Variants in C8G observed in about 807,000 individuals in gnomAD.
C8G encodes the protein complement component C8 gamma chain.
C8G carries 38 observed loss-of-function variants against 29.1 expected under a neutral mutation model. The observed-to-expected ratio is 1.31, with a 90% confidence interval of 1.01 to 1.71. The LOEUF (loss-of-function observed/expected upper bound fraction) is 1.71. Ranked by LOEUF, C8G falls within the 40% of genes most tolerant of loss-of-function variation. The pLI is 0.00. For missense variants in C8G, 300 were observed against 267.4 expected (o/e 1.12, Z -0.85); for synonymous variants, 158 against 113.2 (o/e 1.40, Z -2.51).
rs1223667309 is a variant in C8G, at chr9:136,945,930, G to A, written c.277G>A (p.Asp93Asn). The change falls in exon 3 of 7, where the codon GAT becomes AAT. Residue 93 changes from aspartate to asparagine, a missense_variant and splice_region_variant. Asp to Asn is a conservative substitution (Grantham distance 23). Transcript: ENST00000371634. Reference sequence around the variant, plus strand: ...GGTGCCTCCTCCCCGCCCCCCCAGGGATGGGATCTGCTGGCAGGTGCGCCA... The same window carrying A: ...GGTGCCTCCTCCCCGCCCCCCCAGGAATGGGATCTGCTGGCAGGTGCGCCA... The part of the protein sequence containing the change: ...AMAVSTFRKL[D>N]GICWQVRQLY... The A allele has an allele frequency of 6.4e-7, 1 of 1,561,492 alleles. No homozygotes were observed. Among genetic ancestry groups the A allele is most frequent in the Non-Finnish European group, 8.7e-7 (1 of 1,153,128 alleles).
In C8G at chr9:136,946,212, T is replaced by C. The variant is rs764830347; in HGVS notation, c.454+20T>C. The stretch of plus-strand genomic sequence containing the variant: ...TCTACGGTATGTGGGGGCCAGCCTC[T>C]GTGACCAGGCAGGCGCTCAAGCTCT... On this transcript the variant is annotated intron_variant, in intron 4 of 6. Coordinates refer to ENST00000371634, the MANE Select transcript of C8G (RefSeq NM_000606.3). 8.5e-5 allele frequency: 130 copies of C among 1,535,956 alleles called. No homozygotes were observed. Among genetic ancestry groups the C allele is most frequent in the Non-Finnish European group, 1.1e-4 (126 of 1,138,024 alleles).
At position 136,945,359 on chromosome 9, in the gene C8G, C is replaced by G; in HGVS notation, c.39C>G (p.Leu13=). ...GGACTGCGACCCTCTTGACTCTGCT[C>G]CTGGCAGCTGGCTCGCTGGGCCAGA... The part of the protein sequence containing the change: ...PPGTATLLTL[L]LAAGSLGQKP... Residue 13 remains leucine (L), a synonymous_variant, in exon 1 of 7, where the codon CTC becomes CTG. Transcript: ENST00000371634. 1 of 1,613,040 alleles carries G rather than the reference C, an allele frequency of 6.2e-7. No homozygotes were observed. Among genetic ancestry groups the G allele is most frequent in the South Asian group, 1.1e-5 (1 of 91,052 alleles).
At position 136,945,723 on chromosome 9, in the gene C8G, T is replaced by C. The variant is rs772534061; in HGVS notation, c.228T>C (p.His76=). Residue 76 remains histidine (H), a synonymous_variant, in exon 2 of 7, where the codon CAT becomes CAC. Coordinates refer to ENST00000371634, the MANE Select transcript of C8G (RefSeq NM_000606.3). ...ACCGGGCCGAGGCCACCACACTGCATGTGGCTCCCCAGGGCACAGCCATGG... is the reference window on the plus strand; with the variant it reads ...ACCGGGCCGAGGCCACCACACTGCACGTGGCTCCCCAGGGCACAGCCATGG... ...QGHRAEATTL[H]VAPQGTAMAV... 8 of 1,581,452 alleles carry C rather than the reference T, an allele frequency of 5.1e-6. No homozygotes were observed. In the Admixed American group the frequency reaches 7.2e-5, roughly 14 times the overall value.
chr9:136,945,877 G>A (rs1851018977), intron 2 of C8G, 52 bp from the exon 3 acceptor site: 7 of 1,546,558 alleles, frequency 4.5e-6, no homozygotes, highest in Non-Finnish European at 4.4e-6. Context: ...CCTGGACTAG[G>A]ATTCCTGGTT....
rs376316838 is a variant in C8G at position 136,946,658 on chromosome 9, C to T, written c.564C>T (p.Cys188=). ...CCTGCCTTGGGCCCCCAGGCTTCTGCGAGGCTGCAGACCAGTTCCACGTCC... is the reference window on the plus strand; with the variant it reads ...CCTGCCTTGGGCCCCCAGGCTTCTGTGAGGCTGCAGACCAGTTCCACGTCC... ...QIFYFPKYGF[C]EAADQFHVLD... The change falls in exon 6 of 7, where the codon TGC becomes TGT. Residue 188 remains cysteine, a synonymous_variant. Coordinates refer to ENST00000371634, the MANE Select transcript of C8G (RefSeq NM_000606.3). The T allele has an allele frequency of 2.4e-5, 38 of 1,612,922 alleles. No homozygotes were observed. Among genetic ancestry groups the T allele is most frequent in the East Asian group, 2.2e-4 (10 of 44,896 alleles).
rs561880659 is a variant in C8G at position 136,946,861 on chromosome 9, C to T, written c.*80C>T. ...CAGTGGGGTGCCCGCTGCCTGTCCT[C>T]CGTGAAACCAGCCTCAGATCAGGGC... On this transcript the variant is annotated 3_prime_UTR_variant, in exon 7 of 7. Coordinates refer to ENST00000371634, the MANE Select transcript of C8G (RefSeq NM_000606.3). 3 of 1,509,136 alleles carry T rather than the reference C, an allele frequency of 2.0e-6. No individual in the cohort carries two copies. Among genetic ancestry groups the T allele is most frequent in the South Asian group, 1.2e-5 (1 of 83,600 alleles). The allele number at this position is 1,509,136 out of a possible 1,614,324, so 93.5% of individuals were successfully genotyped here.
At position 136,945,416 on chromosome 9, in the gene C8G, C is replaced by T. The variant is rs772398695; in HGVS notation, c.96C>T (p.Pro32=). The T allele has an allele frequency of 1.5e-5, 24 of 1,594,628 alleles. No individual in the cohort carries two copies. The highest frequency in any genetic ancestry group is 2.7e-5 in the African/African-American group (2 of 74,650). ...KPQRPRRPAS[P]ISTIQPKANF... ...AGAGGCCACGCCGGCCCGCATCCCC[C>T]ATCAGCACCATCCAGCCCAAGGCCA... Residue 32 remains proline (P), a synonymous_variant, in exon 1 of 7, where the codon CCC becomes CCT. Transcript: ENST00000371634.
chr9:136,946,838 G>T lies in C8G; in HGVS notation c.*57G>T. The T allele has an allele frequency of 1.3e-6, 2 of 1,536,688 alleles. No individual in the cohort carries two copies. Among genetic ancestry groups the T allele is most frequent in the Non-Finnish European group, 1.7e-6 (2 of 1,145,800 alleles). On this transcript the variant is annotated 3_prime_UTR_variant, in exon 7 of 7. Transcript: ENST00000371634. ...AGTGCCCCGAGAGACGACCCCACCA[G>T]TGGGGTGCCCGCTGCCTGTCCTCCG...
Position 136,945,303 on chromosome 9 carries a change from C to T in C8G, c.-18C>T, listed in dbSNP as rs762308121. The T allele has an allele frequency of 1.8e-5, 28 of 1,589,494 alleles. No individual in the cohort carries two copies. The Admixed American group carries it at 1.9e-4, about 11-fold the overall frequency. ...TACCCTTGGCCTCCCACAGTCCTGC[C>T]ACCCTGCTGCCGCCACCATGCTGCC... On this transcript the variant is annotated 5_prime_UTR_variant, in exon 1 of 7. Transcript: ENST00000371634.
At position 136,945,962 on chromosome 9, in the gene C8G, T is replaced by C. The variant is rs775647268; in HGVS notation, c.309T>C (p.Tyr103=). 2 of 1,572,312 alleles carry C rather than the reference T, an allele frequency of 1.3e-6. No individual in the cohort carries two copies. The highest frequency in any genetic ancestry group is 1.3e-5 in the African/African-American group (1 of 74,154). The change falls in exon 3 of 7, where the codon TAT becomes TAC. Residue 103 remains tyrosine, a synonymous_variant. Transcript: ENST00000371634. ...TCTGCTGGCAGGTGCGCCAGCTCTA[T>C]GGAGACACAGGGGTCCTCGGCCGCT... ...DGICWQVRQL[Y]GDTGVLGRFL...
rs754210619 is a variant in C8G at position 136,946,173 on chromosome 9, G to A, written c.435G>A (p.Gln145=). Residue 145 remains glutamine, a synonymous_variant, in exon 4 of 7, where the codon CAG becomes CAA. Transcript: ENST00000371634. ...TCCTGTACCTGGAGCGGGCGGGGCA[G>A]CTGTCAGTGAAGCTCTACGGTATGT... The part of the protein sequence containing the change: ...FAVLYLERAG[Q]LSVKLYARSL... The A allele has an allele frequency of 6.4e-7, 1 of 1,563,928 alleles. No homozygotes were observed. The highest frequency in any genetic ancestry group is 8.7e-7 in the Non-Finnish European group (1 of 1,153,454).
In C8G at chr9:136,946,185, G is replaced by T; in HGVS notation, c.447G>T (p.Lys149Asn). Residue 149 changes from lysine (K) to asparagine (N), a missense_variant, in exon 4 of 7, where the codon AAG becomes AAT. By Grantham distance (94) the Lys-to-Asn change is moderately conservative. Transcript: ENST00000371634. ...AGCGGGCGGGGCAGCTGTCAGTGAA[G>T]CTCTACGGTATGTGGGGGCCAGCCT... ...YLERAGQLSV[K>N]LYARSLPVSD... The T allele has an allele frequency of 6.4e-7, 1 of 1,560,588 alleles. No homozygotes were observed. The highest frequency in any genetic ancestry group is 1.2e-5 in the South Asian group (1 of 83,424).
Position 136,945,663 on chromosome 9 carries a change from G to A in C8G, c.168G>A (p.Val56=), listed in dbSNP as rs1248630070. ...QFAGTWLLVA[V]GSACRFLQEQ... ...CAGGGACCTGGCTCCTTGTGGCTGT[G>A]GGCTCCGCTTGCCGTTTCCTGCAGG... Residue 56 remains valine (V), a synonymous_variant, in exon 2 of 7, where the codon GTG becomes GTA. Transcript: ENST00000371634. 1 of 1,608,952 alleles carries A rather than the reference G, an allele frequency of 6.2e-7. No homozygotes were observed.
intron 2 of C8G, 63 bp from the exon 3 acceptor site, chr9:136,945,866 G>A (rs1385559759): frequency 1.4e-5 from 22 of 1,544,358 alleles, no homozygotes; most frequent in Non-Finnish European, 1.8e-5. Flanking sequence ...CCCGGCTGTG[G>A]CCTGGACTAG....
At chr9:136,945,904 T>C in intron 2 of C8G, 25 bp from the exon 3 acceptor site, 1 of 1,551,084 alleles carries the variant, frequency 6.4e-7, no homozygotes. Context: ...TCCCAGCCTG[T>C]GGTGCCTCCT....
intron 4 of C8G, 25 bp from the exon 5 acceptor site, chr9:136,946,440 C>A: frequency 6.4e-7 from 1 of 1,566,084 alleles, no homozygotes; most frequent in East Asian, 2.3e-5. Flanking sequence ...GTGCCAGGAC[C>A]CCAGGAACCC....
Position 136,945,329 on chromosome 9 carries a change from C to T in C8G, c.9C>T (p.Pro3=), listed in dbSNP as rs1207443107. The change falls in exon 1 of 7, where the codon CCC becomes CCT. Residue 3 remains proline (P), a synonymous_variant. Transcript: ENST00000371634. ...ACCCTGCTGCCGCCACCATGCTGCCCCCTGGGACTGCGACCCTCTTGACTC... is the reference window on the plus strand; with the variant it reads ...ACCCTGCTGCCGCCACCATGCTGCCTCCTGGGACTGCGACCCTCTTGACTC... The part of the protein sequence containing the change: ML[P]PGTATLLTLL... 6.2e-7 allele frequency: 1 copy of T among 1,609,332 alleles called. No individual in the cohort carries two copies. Among genetic ancestry groups the T allele is most frequent in the East Asian group, 2.2e-5 (1 of 44,772 alleles).
Position 136,945,425 on chromosome 9 carries a change from C to A in C8G, c.105C>A (p.Thr35=). The change falls in exon 1 of 7, where the codon ACC becomes ACA. Residue 35 remains threonine, a synonymous_variant. Coordinates refer to ENST00000371634, the MANE Select transcript of C8G (RefSeq NM_000606.3). ...RPRRPASPIS[T]IQPKANFDAQ... ...GCCGGCCCGCATCCCCCATCAGCAC[C>A]ATCCAGCCCAAGGCCAATTTTGATG... 1 of 1,589,644 alleles carries A rather than the reference C, an allele frequency of 6.3e-7. No individual in the cohort carries two copies. The highest frequency in any genetic ancestry group is 8.6e-7 in the Non-Finnish European group (1 of 1,168,268).
At chr9:136,946,305 T>A in intron 4 of C8G, 113 bp downstream of exon 4, 1 of 1,371,972 alleles carries the variant, frequency 7.3e-7, no homozygotes, top group Non-Finnish European at 9.9e-7. Flanking sequence ...TCTCCCATCC[T>A]GATCCTCCTG....
Sources: allele counts gnomAD v4.1 joint callset, GRCh38; gene constraint gnomAD v4.1.1; transcripts MANE v1.5; gene names NCBI Gene and HGNC (gene_info 2026-07-23, HGNC 2026-07-21).